PTPRT: variants seen among roughly 807,000 people sequenced by gnomAD.
The protein encoded by PTPRT is protein tyrosine phosphatase receptor type T.
In PTPRT, 56 loss-of-function variants were observed where a neutral mutation model predicts 176.8. That is an observed-to-expected ratio of 0.32 (90% CI 0.26 to 0.40). The LOEUF is 0.40. PTPRT is among the 10% of genes least tolerant of loss of function. PTPRT has a pLI of 1.00. For synonymous variants in PTPRT, 783 were observed against 739.0 expected, an observed-to-expected ratio of 1.06 and a Z score of -0.96; for missense variants, 1,540 against 1,908.2, an observed-to-expected ratio of 0.81 and a Z score of 3.60.
At chr20:42,778,318 T>TA (rs1214528776) in intron 4 of PTPRT, among the ~76,000 whole-genome samples, 3 of 152,264 alleles carry the variant, frequency 2.0e-5, no homozygotes, top group Non-Finnish European at 4.4e-5. Flanking sequence ...TGAAGGTAGT[T>TA]ACGGCTAGGG....
chr20:42,350,234 T>G (rs1311666845), intron 11 of PTPRT, among the ~76,000 whole-genome samples: 86 of 142,424 alleles, frequency 6.0e-4, no homozygotes, highest in African/African-American at 1.9e-3. Flanking sequence ...TTTTTTTTTT[T>G]TTTTTTTTTT....
chr20:42,876,978 G>A (rs1183372134), intron 2 of PTPRT, among the ~76,000 whole-genome samples: 2 of 152,156 alleles, frequency 1.3e-5, no homozygotes, highest in African/African-American at 2.4e-5. Context: ...AAGTGGAGCT[G>A]TGCTCTTAGC....
intron 11 of PTPRT, among the ~76,000 whole-genome samples, chr20:42,324,704 A>G (rs1324400581): frequency 6.6e-6 from 1 of 152,216 alleles, no homozygotes; most frequent in Non-Finnish European, 1.5e-5. Flanking sequence ...GCCCAACAGA[A>G]TCTAGCTTTG....
rs558054975 is a variant in PTPRT at position 42,647,673 on chromosome 20, G to A, written c.1153+30193C>T. Among the ~76,000 whole-genome samples the A allele has an allele frequency of 2.4e-3, 366 of 152,254 alleles. 2 individuals are homozygous for A. The highest frequency in any genetic ancestry group is 8.5e-3 in the African/African-American group (352 of 41,534). ...TGCACTTGAGCATTCCACCCTCAGC[G>A]CTTGTGAAAGGAGTCATGGGAGACA... On this transcript the variant is annotated intron_variant, in intron 7 of 30. Coordinates refer to ENST00000373187, the MANE Select transcript of PTPRT (RefSeq NM_007050.6).
intron 8 of PTPRT, among the ~76,000 whole-genome samples, chr20:42,450,665 C>A (rs2070812242): frequency 6.6e-6 from 1 of 152,064 alleles, no homozygotes; most frequent in Admixed American, 6.6e-5. Context: ...CTTAGGTATG[C>A]AGAAGCTTTT....
intron 6 of PTPRT, among the ~76,000 whole-genome samples, chr20:42,718,643 T>A (rs1262211575): frequency 6.6e-6 from 1 of 152,200 alleles, no homozygotes; most frequent in African/African-American, 2.4e-5. Flanking sequence ...ATTTATGCTC[T>A]TATTTATATA....
intron 18 of PTPRT, among the ~76,000 whole-genome samples, chr20:42,139,324 TTC>T (rs1389839159): frequency 6.6e-6 from 1 of 152,190 alleles, no homozygotes; most frequent in East Asian, 1.9e-4. Context: ...GGTGCTTCAG[TTC>T]TCTCTGTCTC....
At chr20:42,876,054 C>A (rs6030538) in intron 2 of PTPRT, among the ~76,000 whole-genome samples, 1,664 of 152,276 alleles carry the variant, frequency 0.011, 29 homozygotes, top group African/African-American at 0.038. Context: ...TCTCTCCATC[C>A]TCCTTCACTC....
chr20:42,835,223 T>A (rs1301768308), intron 2 of PTPRT, among the ~76,000 whole-genome samples: 4 of 152,154 alleles, frequency 2.6e-5, no homozygotes, highest in African/African-American at 9.7e-5. Flanking sequence ...TCTGAAGAAT[T>A]CAGACACAAG....
intron 7 of PTPRT, among the ~76,000 whole-genome samples, chr20:42,531,213 A>G (rs977514403): frequency 1.3e-5 from 2 of 152,182 alleles, no homozygotes; most frequent in Non-Finnish European, 2.9e-5. Context: ...AAGTTCTGAA[A>G]TGTTTTGCAA....
chr20:43,039,665 C>G (rs2425547), intron 1 of PTPRT, among the ~76,000 whole-genome samples: 48,286 of 151,826 alleles, frequency 0.32, 10,630 homozygotes, highest in African/African-American at 0.62. Context: ...AAAACCACCA[C>G]CTGAGAAAAA....
At chr20:42,459,227 T>C (rs990462520) in intron 8 of PTPRT, among the ~76,000 whole-genome samples, 1 of 152,130 alleles carries the variant, frequency 6.6e-6, no homozygotes, top group Admixed American at 6.5e-5. Context: ...GTGAAGAGAA[T>C]GATAACTGAA....
chr20:42,301,509 C>A (rs73257074), intron 12 of PTPRT, among the ~76,000 whole-genome samples: 3,732 of 152,050 alleles, frequency 0.025, 147 homozygotes, highest in African/African-American at 0.086. Context: ...ATGACTGAGA[C>A]AATTGGCAAA....
At chr20:42,384,091 G>T (rs981067174) in intron 9 of PTPRT, among the ~76,000 whole-genome samples, 5 of 152,174 alleles carry the variant, frequency 3.3e-5, no homozygotes, top group Non-Finnish European at 7.3e-5. Context: ...TTGCAATGTT[G>T]TGAGTTCCTG....
rs545839678 is a variant in PTPRT, at chr20:42,104,504, A to T, written c.3540+65T>A. 8 of 1,486,976 alleles carry T rather than the reference A, an allele frequency of 5.4e-6. No homozygotes were observed. The African/African-American group carries it at 1.1e-4, about 21-fold the overall frequency. 92.1% of individuals were successfully genotyped at this position (1,486,976 alleles called of 1,614,324 possible). A position where few individuals can be genotyped will look rare whatever the true frequency, so the allele number is the denominator to read the frequency against. ...GTCTGTCATTTAAACCACCCAATCT[A>T]TGGAAATTTGTTATAACAACCCAAA... On this transcript the variant is annotated intron_variant, in intron 25 of 30. Transcript: ENST00000373187.
intron 1 of PTPRT, chr20:42,968,939 G>A (rs920639182): frequency 1.3e-5 from 2 of 152,220 alleles, no homozygotes; most frequent in African/African-American, 4.8e-5. Flanking sequence ...GAGTGGTGTT[G>A]TGAACATTCG....
chr20:42,363,270 TTATATATATATA>T lies in PTPRT; in HGVS notation c.1561-10997_1561-10986del, dbSNP rs1212021931. The stretch of plus-strand genomic sequence containing the variant: ...ACATTCTTGCAGCAATTTATTACAA[TTATATATATATA>T]TATATATATATATATATATTTTTTT... On this transcript the variant is annotated intron_variant, in intron 9 of 30. Transcript: ENST00000373187. 4.4e-3 allele frequency among the ~76,000 whole-genome samples: 135 copies of T among 30,384 alleles called. 3 individuals are homozygous for T. Among genetic ancestry groups the T allele is most frequent in the South Asian group, 0.014 (7 of 502 alleles). 19.9% of individuals were successfully genotyped at this position (30,384 alleles called of 152,430 possible).
At chr20:42,184,541 CTCTTCTTCTTCTTCTTCTTAT>C (rs1990662917) in intron 16 of PTPRT, among the ~76,000 whole-genome samples, 2 of 91,544 alleles carry the variant, frequency 2.2e-5, no homozygotes, top group African/African-American at 9.3e-5. Context: ...CTTCCTCTTC[CTCTTCTTCTTCTTCTTCTTAT>C]TCTTCTTCTT....
chr20:42,221,425 G>A (rs2055883206), intron 15 of PTPRT, among the ~76,000 whole-genome samples: 1 of 152,146 alleles, frequency 6.6e-6, no homozygotes, highest in South Asian at 2.1e-4. Context: ...GTTCTGCATG[G>A]CTGGAGAGGC....
Sources: allele counts gnomAD v4.1 joint callset (sites outside exome capture counted in the v4.1 genomes callset), GRCh38; gene constraint gnomAD v4.1.1; transcripts MANE v1.5; gene names NCBI Gene and HGNC (gene_info 2026-07-23, HGNC 2026-07-21).